The following SETX variants were observed in gnomAD, a reference collection of about 807,000 sequenced individuals.
The protein encoded by SETX is helicase senataxin.
In SETX, 90 loss-of-function variants were observed where a neutral mutation model predicts 227.2. The observed-to-expected ratio is 0.40, with a 90% CI of 0.33 to 0.47. SETX has a LOEUF of 0.47. SETX is among the 20% of genes least tolerant of loss of function. The pLI is 0.91. For synonymous variants in SETX, 1,210 were observed against 1,113.2 expected (o/e 1.09, Z -1.73); for missense variants, 3,052 against 3,181.5 (o/e 0.96, Z 0.98).
chr9:132,268,699 A>T (rs1279578004), intron 25 of SETX, among the ~76,000 whole-genome samples: 4 of 152,258 alleles, frequency 2.6e-5, no homozygotes, highest in Non-Finnish European at 1.5e-5. Context: ...TAATAATTTT[A>T]ATTGCTGTAT....
In SETX at chr9:132,295,910, T is replaced by C; in HGVS notation, c.6068A>G (p.Glu2023Gly). Residue 2023 changes from glutamate to glycine, a missense_variant, in exon 15 of 26, where the codon GAA (glutamate) becomes GGA (glycine). By Grantham distance (98) the Glu-to-Gly change is moderately conservative (BLOSUM62 -2). Transcript: ENST00000224140. ...CTTGTCTTTACATTTTTCTTTGAATTCAAGGATAATTTTTTTCATGAGTTC... is the reference window on the plus strand; with the variant it reads ...CTTGTCTTTACATTTTTCTTTGAATCCAAGGATAATTTTTTTCATGAGTTC... Reference protein sequence around the residue: ...VDELMKKIILEFKEKCKDKKN... With the variant: ...VDELMKKIILGFKEKCKDKKN... 4 of 1,613,990 alleles carry C rather than the reference T, an allele frequency of 2.5e-6. No individual in the cohort carries two copies. Among genetic ancestry groups the C allele is most frequent in the Non-Finnish European group, 3.4e-6 (4 of 1,179,900 alleles).
intron 10 of SETX, among the ~76,000 whole-genome samples, chr9:132,314,319 C>T (rs1178528107): frequency 6.6e-6 from 1 of 152,112 alleles, no homozygotes; most frequent in Non-Finnish European, 1.5e-5. Flanking sequence ...GAACTCCTGA[C>T]CTCAGGTGAT....
chr9:132,285,320 C>T (rs1192546000), intron 18 of SETX, among the ~76,000 whole-genome samples: 1 of 152,156 alleles, frequency 6.6e-6, no homozygotes, highest in East Asian at 1.9e-4. Context: ...TTATAACCAC[C>T]TCTTAGAAAT....
intron 17 of SETX, among the ~76,000 whole-genome samples, chr9:132,287,591 T>C (rs2131241367): frequency 6.6e-6 from 1 of 152,300 alleles, no homozygotes; most frequent in African/African-American, 2.4e-5. Context: ...ATGGCTGCCT[T>C]TGTGCTACCA....
At chr9:132,310,007 GAGTC>G (rs1221685413) in intron 11 of SETX, among the ~76,000 whole-genome samples, 2 of 152,108 alleles carry the variant, frequency 1.3e-5, no homozygotes, top group Non-Finnish European at 2.9e-5. Flanking sequence ...TCACTAAAAA[GAGTC>G]AGTATGTAAG....
Position 132,286,448 on chromosome 9 carries a change from T to C in SETX, c.6371A>G (p.Gln2124Arg), listed in dbSNP as rs747333623. 1 of 1,613,532 alleles carries C rather than the reference T, an allele frequency of 6.2e-7. No individual in the cohort carries two copies. The highest frequency in any genetic ancestry group is 8.5e-7 in the Non-Finnish European group (1 of 1,179,750). ...CTCTTTAATTTTAGAAGCAAGTTCC[T>C]GCCTTTCCTTAGAAACTTTGGAAAT... Reference protein sequence around the residue: ...ENISKVSKERQELASKIKEVQ... With the variant: ...ENISKVSKERRELASKIKEVQ... The change falls in exon 18 of 26, where the codon CAG becomes CGG. Residue 2124 changes from glutamine to arginine, a missense_variant. Transcript: ENST00000224140.
At position 132,264,628 on chromosome 9, in the gene SETX, C is replaced by T. The variant is rs367839319; in HGVS notation, c.7645G>A (p.Val2549Ile). Residue 2549 changes from valine to isoleucine, a missense_variant, in exon 26 of 26, where the codon GTC (valine) becomes ATC (isoleucine). Coordinates refer to ENST00000224140, the MANE Select transcript of SETX (RefSeq NM_015046.7). ...TCCCAAAGGAATATTCCTCCTTTGA[C>T]CTCAATGCCCATCCTCTTCAGCAGT... ...PRLLKRMGIEVKGGIFLWDPQ... is the reference protein window; with the variant it reads ...PRLLKRMGIEIKGGIFLWDPQ... The T allele has an allele frequency of 5.6e-6, 9 of 1,614,068 alleles. No homozygotes were observed. Among genetic ancestry groups the T allele is most frequent in the African/African-American group, 1.3e-5 (1 of 74,906 alleles).
chr9:132,278,368 A>G lies in SETX; in HGVS notation c.6655-111T>C, dbSNP rs987354013. The G allele has an allele frequency of 4.6e-5, 47 of 1,017,838 alleles. No homozygotes were observed. The African/African-American group carries it at 5.3e-4, about 11-fold the overall frequency. 63.1% of individuals were successfully genotyped at this position (1,017,838 alleles called of 1,614,324 possible). A position where few individuals can be genotyped will look rare whatever the true frequency, so the allele number is the denominator to read the frequency against. On this transcript the variant is annotated intron_variant, in intron 20 of 25. Transcript: ENST00000224140. ...ACGTATATGGCAACGTTCAGGTAGC[A>G]TAAGATTACCAACCACAGCTTCAGA...
At chr9:132,319,992 A>G (rs906865759) in intron 10 of SETX, among the ~76,000 whole-genome samples, 1 of 152,220 alleles carries the variant, frequency 6.6e-6, no homozygotes, top group South Asian at 2.1e-4. Context: ...AAAATAAAAG[A>G]GCATTTGCCA....
chr9:132,349,879 T>C (rs752549614), intron 2 of SETX, among the ~76,000 whole-genome samples: 1 of 152,080 alleles, frequency 6.6e-6, no homozygotes, highest in African/African-American at 2.4e-5. Context: ...CTCAAAGAGA[T>C]CTAAAACTAG....
rs1235987321 is a variant in SETX, at chr9:132,327,122, C to G, written c.4476G>C (p.Glu1492Asp). Reference sequence around the variant, plus strand: ...TTTGGGTTAAAAATAAGTTATCTTCCTCTGCATCACTGCTGGAGTCAGGCT... The same window carrying G: ...TTTGGGTTAAAAATAAGTTATCTTCGTCTGCATCACTGCTGGAGTCAGGCT... ...EGEPDSSSDAEEDNLFLTQND... is the reference protein window; with the variant it reads ...EGEPDSSSDADEDNLFLTQND... Residue 1492 changes from glutamate to aspartate, a missense_variant, in exon 10 of 26, where the codon GAG (glutamate) becomes GAC (aspartate). Around this residue, in one of 10 missense-constraint regions of SETX, gnomAD observed 1,483 missense variants for 1,312.0 expected, o/e 1.13. Transcript: ENST00000224140. 1 of 1,614,144 alleles carries G rather than the reference C, an allele frequency of 6.2e-7. No homozygotes were observed. Among genetic ancestry groups the G allele is most frequent in the Admixed American group, 1.7e-5 (1 of 60,022 alleles).
At position 132,310,268 on chromosome 9, in the gene SETX, T is replaced by A. The variant is rs117958014; in HGVS notation, c.5374+1489A>T. Among the ~76,000 whole-genome samples, 49 of 152,358 alleles carry A rather than the reference T, an allele frequency of 3.2e-4. 1 individual carries two copies. The East Asian group carries it at 9.4e-3, about 29-fold the overall frequency. The stretch of plus-strand genomic sequence containing the variant: ...TCTCAAAACAATCTATACAAATGTG[T>A]TGCTGAAGACACAGAAAAATGCAAC... On this transcript the variant is annotated intron_variant, in intron 11 of 25. Transcript: ENST00000224140.
rs2296873 is a variant in SETX at position 132,283,232 on chromosome 9, A to G, written c.6546+32T>C. 5 of 1,613,796 alleles carry G rather than the reference A, an allele frequency of 3.1e-6. No homozygotes were observed. The Admixed American group carries it at 8.3e-5, about 27-fold the overall frequency. On this transcript the variant is annotated intron_variant, in intron 19 of 25. Transcript: ENST00000224140. ...TCTAAGACTTACTCCTCATAGTAGT[A>G]GTCAAAGTTGTATGGCTGACCGTTC...
Position 132,303,354 on chromosome 9 carries a change from AAACCCTT to A in SETX, c.5375-2558_5375-2552del, listed in dbSNP as rs1845133211. On this transcript the variant is annotated intron_variant, in intron 11 of 25. Transcript: ENST00000224140. ...TTTAAAAAAGCAAAAAAAAAAAAAA[AAACCCTT>A]AATCCTTACATATGTCATATATAAA... Among the ~76,000 whole-genome samples, 4 of 151,852 alleles carry A rather than the reference AAACCCTT, an allele frequency of 2.6e-5. No homozygotes were observed. In the South Asian group the frequency reaches 6.2e-4, roughly 24 times the overall value.
In SETX at chr9:132,331,367, T is replaced by C. The variant is rs747733423; in HGVS notation, c.920A>G (p.Gln307Arg). 3 of 1,613,950 alleles carry C rather than the reference T, an allele frequency of 1.9e-6. No individual in the cohort carries two copies. The highest frequency in any genetic ancestry group is 1.6e-4 in the Middle Eastern group (1 of 6,084). The change falls in exon 8 of 26, where the codon CAA (glutamine) becomes CGA (arginine). Residue 307 changes from glutamine (Q) to arginine (R), a missense_variant. Coordinates refer to ENST00000224140, the MANE Select transcript of SETX (RefSeq NM_015046.7). The stretch of plus-strand genomic sequence containing the variant: ...AAATGCCACAATAGGATCCATAAGT[T>C]GACCCCAGACCTTAGATCCAAGGCG... ...LDRLGSKVWGQLMDPIVAFQT... is the reference protein window; with the variant it reads ...LDRLGSKVWGRLMDPIVAFQT...
intron 4 of SETX, 100 bp downstream of exon 4, chr9:132,346,159 TTA>T: frequency 2.1e-6 from 2 of 931,364 alleles, no homozygotes; most frequent in Non-Finnish European, 3.4e-6. Flanking sequence ...TATATCCTAA[TTA>T]TATGTTTAGC....
Position 132,298,165 on chromosome 9 carries a change from C to T in SETX, c.5696G>A (p.Arg1899Gln), listed in dbSNP as rs753507714. 2.5e-6 allele frequency: 4 copies of T among 1,613,834 alleles called. No homozygotes were observed. In the African/African-American group the frequency reaches 4.0e-5, roughly 16 times the overall value. Residue 1899 changes from arginine to glutamine, a missense_variant, in exon 13 of 26, where the codon CGG (arginine) becomes CAG (glutamine). Physicochemically the swap from Arg to Gln is conservative, Grantham distance 43. Coordinates refer to ENST00000224140, the MANE Select transcript of SETX (RefSeq NM_015046.7). ...CAGAACAGCTCTAGCCAGTTGGTTC[C>T]GACTACCCAACAGAGACATGGCTTT... ...KLKAMSLLGS[R>Q]NQLARAVLNP...
intron 11 of SETX, among the ~76,000 whole-genome samples, chr9:132,307,562 C>T (rs10115323): frequency 0.32 from 48,207 of 151,904 alleles, 11,013 homozygotes; most frequent in East Asian, 0.67. Flanking sequence ...TCATAGCACA[C>T]AGCCTCAGAG....
At position 132,329,714 on chromosome 9, in the gene SETX, C is replaced by T; in HGVS notation, c.1884G>A (p.Gly628=). ...SYNKEESEQM[G]KTSRKDMHCL... ...AATGCATATCTTTTCTAGACGTCTTCCCCATTTGTTCACTTTCTTCTTTAT... is the reference window on the plus strand; with the variant it reads ...AATGCATATCTTTTCTAGACGTCTTTCCCATTTGTTCACTTTCTTCTTTAT... Residue 628 remains glycine, a synonymous_variant, in exon 10 of 26, where the codon GGG becomes GGA. Coordinates refer to ENST00000224140, the MANE Select transcript of SETX (RefSeq NM_015046.7). 1.9e-6 allele frequency: 3 copies of T among 1,614,102 alleles called. No individual in the cohort carries two copies. Among genetic ancestry groups the T allele is most frequent in the South Asian group, 2.2e-5 (2 of 91,078 alleles).
Sources: allele counts gnomAD v4.1 joint callset (sites outside exome capture counted in the v4.1 genomes callset), GRCh38; gene constraint gnomAD v4.1.1; regional missense constraint gnomAD v4.1.1; transcripts MANE v1.5; gene names NCBI Gene and HGNC (gene_info 2026-07-23, HGNC 2026-07-21).